PAX8: variants seen among roughly 807,000 people sequenced by gnomAD.
PAX8 encodes paired box protein Pax-8.
Under a neutral mutation model 52.4 loss-of-function variants are expected in PAX8, and 15 were observed. That is an observed-to-expected ratio of 0.29 (90% CI 0.19 to 0.44). PAX8 has a LOEUF of 0.44. PAX8 is among the 20% of genes least tolerant of loss of function. The pLI, the probability that PAX8 is intolerant of heterozygous loss-of-function variation, is 1.00. For synonymous variants in PAX8, 284 were observed against 249.7 expected, an observed-to-expected ratio of 1.14 and a Z score of -1.29; for missense variants, 554 against 602.5, an observed-to-expected ratio of 0.92 and a Z score of 0.84.
At chr2:113,248,725 G>A (rs769084467) in intron 2 of PAX8, among the ~76,000 whole-genome samples, 6 of 152,028 alleles carry the variant, frequency 3.9e-5, no homozygotes, top group Non-Finnish European at 8.8e-5. Flanking sequence ...TTGGGAGGCT[G>A]AGGCGGGCGG....
intron 2 of PAX8, chr2:113,250,882 T>G (rs981302881): frequency 1.3e-5 from 2 of 152,240 alleles, no homozygotes; most frequent in African/African-American, 4.8e-5. Context: ...TTAATGGTTA[T>G]CTTTCTTGAA....
chr2:113,263,907 A>G (rs950760105), intron 2 of PAX8, among the ~76,000 whole-genome samples: 1 of 152,234 alleles, frequency 6.6e-6, no homozygotes, highest in Non-Finnish European at 1.5e-5. Context: ...CTTGAGAAAC[A>G]GTTATCTAAA....
chr2:113,225,790 G>A (rs11123171), intron 10 of PAX8: 18,047 of 333,516 alleles, frequency 0.054, 593 homozygotes, highest in Admixed American at 0.083. Flanking sequence ...CTAAGCAGGC[G>A]GCAGGGGAAG....
At chr2:113,249,235 C>G (rs1489858245) in intron 2 of PAX8, among the ~76,000 whole-genome samples, 2 of 152,252 alleles carry the variant, frequency 1.3e-5, no homozygotes, top group African/African-American at 2.4e-5. Flanking sequence ...TTGCCCAGTC[C>G]TAAGCCCATT....
intron 2 of PAX8, among the ~76,000 whole-genome samples, chr2:113,257,176 C>G (rs558023421): frequency 4.6e-4 from 70 of 152,318 alleles, no homozygotes; most frequent in African/African-American, 1.6e-3. Context: ...TCTCTTCTCT[C>G]TCTTCTAAAA....
intron 2 of PAX8, chr2:113,269,626 A>G (rs1373702545): frequency 1.4e-4 from 21 of 152,236 alleles, no homozygotes; most frequent in Admixed American, 1.4e-3. Context: ...AATGTCAACC[A>G]GGGTTTGCTA....
intron 2 of PAX8, among the ~76,000 whole-genome samples, chr2:113,255,164 AAAAG>A (rs199944640): frequency 0.01 from 1,440 of 140,364 alleles, 35 homozygotes; most frequent in African/African-American, 0.036. Context: ...AAGGAAGAAA[AAAAG>A]AAGGAAGGAG....
chr2:113,222,358 C>T (rs1473011991), intron 10 of PAX8, among the ~76,000 whole-genome samples: 1 of 152,216 alleles, frequency 6.6e-6, no homozygotes, highest in Non-Finnish European at 1.5e-5. Context: ...TTTTGTCACT[C>T]ATTCATGCAT....
At chr2:113,236,365 A>G (rs1195975069) in intron 8 of PAX8, 2 of 316,188 alleles carry the variant, frequency 6.3e-6, no homozygotes, top group African/African-American at 6.1e-5. Flanking sequence ...CTAGGACCGG[A>G]GGCGCGACCC....
intron 2 of PAX8, chr2:113,267,619 T>G (rs982166128): frequency 6.6e-6 from 1 of 152,242 alleles, no homozygotes; most frequent in Non-Finnish European, 1.5e-5. Context: ...GCTTACACCC[T>G]ACTTTCCCCA....
chr2:113,250,228 C>T (rs1691655961), intron 2 of PAX8, among the ~76,000 whole-genome samples: 1 of 141,600 alleles, frequency 7.1e-6, no homozygotes, highest in African/African-American at 2.7e-5. Flanking sequence ...GATCACACCA[C>T]TGCACTCCAG....
chr2:113,236,675 T>G lies in PAX8; in HGVS notation c.824A>C (p.Lys275Thr). 1 of 1,590,790 alleles carries G rather than the reference T, an allele frequency of 6.3e-7. No individual in the cohort carries two copies. The highest frequency in any genetic ancestry group is 8.6e-7 in the Non-Finnish European group (1 of 1,168,942). Residue 275 changes from lysine (K) to threonine (T), a missense_variant, in exon 8 of 12, where the codon AAG (lysine) becomes ACG (threonine). Physicochemically the swap from Lys to Thr is moderately conservative, Grantham distance 78. Around this residue, in one of 2 missense-constraint regions of PAX8, gnomAD observed 445 missense variants for 409.9 expected, o/e 1.09. Transcript: ENST00000429538. ...CGTGTTGGAAGGGGTCAGGGTGGCC[T>G]TCCCGTCGTCCAGGGTGCTGTTGAG... ...PLLNSTLDDGKATLTPSNTPL... is the reference protein window; with the variant it reads ...PLLNSTLDDGTATLTPSNTPL...
rs1156687488 is a variant in PAX8 at position 113,235,410 on chromosome 2, G to A, written c.1071C>T (p.Gly357=). Residue 357 remains glycine (G), a synonymous_variant, in exon 9 of 12, where the codon GGC becomes GGT. Transcript: ENST00000429538. ...HAASVYGQFT[G]QALLSGREMV... Reference sequence around the variant, plus strand: ...CTGTCGTACCTGAGAGGAGGGCCTGGCCCGTGAACTGCCCGTACACGGAGG... The same window carrying A: ...CTGTCGTACCTGAGAGGAGGGCCTGACCCGTGAACTGCCCGTACACGGAGG... 6.3e-7 allele frequency: 1 copy of A among 1,589,584 alleles called. No individual in the cohort carries two copies. Among genetic ancestry groups the A allele is most frequent in the Admixed American group, 1.8e-5 (1 of 55,590 alleles).
chr2:113,241,482 C>T, intron 7 of PAX8, 69 bp downstream of exon 7: 1 of 1,457,578 alleles, frequency 6.9e-7, no homozygotes, highest in Non-Finnish European at 9.4e-7. Context: ...GGAGCACAGG[C>T]TCATTTGGAG....
intron 10 of PAX8, chr2:113,220,448 G>A (rs1689209799): frequency 2.5e-6 from 1 of 404,636 alleles, no homozygotes; most frequent in African/African-American, 2.0e-5. Context: ...GGCCCAGAAG[G>A]TAGATGTTAT....
At chr2:113,278,257 G>A in intron 2 of PAX8, 113 bp downstream of exon 2, 2 of 864,474 alleles carry the variant, frequency 2.3e-6, no homozygotes, top group Non-Finnish European at 3.7e-6. Flanking sequence ...GTCCCCACGC[G>A]GGTGGGTCCC....
chr2:113,227,084 C>T lies in PAX8; in HGVS notation c.1189+71G>A, dbSNP rs894390903. The T allele has an allele frequency of 7.8e-6, 12 of 1,538,388 alleles. No individual in the cohort carries two copies. In the East Asian group the frequency reaches 1.2e-4, roughly 16 times the overall value. The stretch of plus-strand genomic sequence containing the variant: ...TGAATAGGGCACAGTATGCCTCTTG[C>T]TCCTTGTGTCCCACCTTGCTCCAAT... On this transcript the variant is annotated intron_variant, in intron 10 of 11. Coordinates refer to ENST00000429538, the MANE Select transcript of PAX8 (RefSeq NM_003466.4).
chr2:113,241,490 G>C (rs1690836399), intron 7 of PAX8, 61 bp downstream of exon 7: 4 of 1,492,148 alleles, frequency 2.7e-6, no homozygotes, highest in Non-Finnish European at 3.6e-6. Flanking sequence ...GGCTCATTTG[G>C]AGAATAGACC....
chr2:113,223,040 G>A (rs1689353883), intron 10 of PAX8, among the ~76,000 whole-genome samples: 1 of 152,066 alleles, frequency 6.6e-6, no homozygotes, highest in Admixed American at 6.5e-5. Flanking sequence ...TTAAATGACA[G>A]CTTTGTGCAA....
Sources: gnomAD v4.1 joint callset for allele counts (sites outside exome capture counted in the v4.1 genomes callset) on GRCh38, gnomAD v4.1.1 for gene constraint, gnomAD v4.1.1 regional missense constraint, MANE v1.5 for transcripts, NCBI Gene and HGNC (gene_info 2026-07-23, HGNC 2026-07-21) for gene names.